The following RASAL2 variants were observed in gnomAD, a reference collection of about 807,000 sequenced individuals.
RASAL2 encodes the protein RAS protein activator like 2, also known as ras GTPase-activating protein nGAP.
Under a neutral mutation model 128.9 loss-of-function variants are expected in RASAL2, and 58 were observed. The observed-to-expected ratio is 0.45, with a 90% CI of 0.36 to 0.56. The LOEUF is 0.56. Ranked by LOEUF, RASAL2 falls within the 20% of genes least tolerant of loss-of-function variation. The pLI is 0.00. For missense variants in RASAL2, 1,360 were observed against 1,601.6 expected, an observed-to-expected ratio of 0.85 and a Z score of 2.57; for synonymous variants, 561 against 580.8, an observed-to-expected ratio of 0.97 and a Z score of 0.49.
chr1:178,436,200 C>A (rs974846758), intron 5 of RASAL2, among the ~76,000 whole-genome samples: 1 of 152,078 alleles, frequency 6.6e-6, no homozygotes, highest in African/African-American at 2.4e-5. Flanking sequence ...CTGGGAATTA[C>A]TTCTGTCTTC....
At chr1:178,210,840 C>T (rs1256725178) in intron 1 of RASAL2, among the ~76,000 whole-genome samples, 2 of 152,122 alleles carry the variant, frequency 1.3e-5, no homozygotes, top group Non-Finnish European at 2.9e-5. Context: ...GTCCAAACAC[C>T]AAGGGCTCTA....
chr1:178,289,822 T>C (rs1667196183), intron 2 of RASAL2, among the ~76,000 whole-genome samples: 1 of 152,234 alleles, frequency 6.6e-6, no homozygotes, highest in African/African-American at 2.4e-5. Flanking sequence ...CCAGACATAC[T>C]GTCTTCATCG....
intron 1 of RASAL2, among the ~76,000 whole-genome samples, chr1:178,220,948 T>C (rs1040827516): frequency 6.6e-6 from 1 of 152,224 alleles, no homozygotes; most frequent in Non-Finnish European, 1.5e-5. Context: ...AAGAGTACGA[T>C]TGCTGAATTG....
intron 3 of RASAL2, among the ~76,000 whole-genome samples, chr1:178,385,814 G>A (rs1455272211): frequency 6.6e-5 from 10 of 152,142 alleles, no homozygotes; most frequent in Admixed American, 6.5e-4. Context: ...GTTTACCTTA[G>A]AAGCTTTGTA....
intron 3 of RASAL2, among the ~76,000 whole-genome samples, chr1:178,346,433 G>T (rs1031484210): frequency 6.6e-6 from 1 of 151,222 alleles, no homozygotes; most frequent in African/African-American, 2.4e-5. Flanking sequence ...AGAAAGAAAA[G>T]AAAAGAAATC....
intron 3 of RASAL2, among the ~76,000 whole-genome samples, chr1:178,343,109 A>T (rs1258202569): frequency 6.6e-6 from 1 of 152,190 alleles, no homozygotes; most frequent in East Asian, 1.9e-4. Context: ...GGAACAAGTT[A>T]GCTTGATTTG....
rs1026137278 is a variant in RASAL2, at chr1:178,473,916, G to C, written c.*677G>C. 6.6e-6 allele frequency: 1 copy of C among 152,418 alleles called. No homozygotes were observed. The highest frequency in any genetic ancestry group is 1.5e-5 in the Non-Finnish European group (1 of 68,066). 9.4% of individuals were successfully genotyped at this position (152,418 alleles called of 1,614,324 possible). A position where few individuals can be genotyped will look rare whatever the true frequency, so the allele number is the denominator to read the frequency against. On this transcript the variant is annotated 3_prime_UTR_variant, in exon 18 of 18. Transcript: ENST00000367649. ...GTTGCATCAAAACTGGACTTTAGGAGTAATTTCTATTGAACTCCTGTCAAT... is the reference window on the plus strand; with the variant it reads ...GTTGCATCAAAACTGGACTTTAGGACTAATTTCTATTGAACTCCTGTCAAT...
chr1:178,423,275 C>T (rs1418983242), intron 5 of RASAL2, among the ~76,000 whole-genome samples: 1 of 151,996 alleles, frequency 6.6e-6, no homozygotes, highest in Non-Finnish European at 1.5e-5. Flanking sequence ...TGAACATGTG[C>T]CTTTTTGTAC....
At chr1:178,133,883 C>T (rs749555927) in intron 1 of RASAL2, among the ~76,000 whole-genome samples, 5 of 152,184 alleles carry the variant, frequency 3.3e-5, no homozygotes, top group South Asian at 2.1e-4. Flanking sequence ...AAGGGTGTGA[C>T]GATCATGTGG....
At chr1:178,112,536 C>T (rs548851451) in intron 1 of RASAL2, among the ~76,000 whole-genome samples, 4 of 151,270 alleles carry the variant, frequency 2.6e-5, no homozygotes, top group Admixed American at 1.3e-4. Context: ...GGTGACAGAG[C>T]GAGACTCCAT....
At chr1:178,225,535 T>C (rs896398176) in intron 1 of RASAL2, among the ~76,000 whole-genome samples, 6 of 152,036 alleles carry the variant, frequency 3.9e-5, no homozygotes, top group African/African-American at 1.4e-4. Context: ...GTCACTGTTA[T>C]GAATGTAGTA....
chr1:178,204,342 A>G (rs997413696), intron 1 of RASAL2, among the ~76,000 whole-genome samples: 1 of 152,258 alleles, frequency 6.6e-6, no homozygotes, highest in Non-Finnish European at 1.5e-5. Flanking sequence ...CAAGGGGTGG[A>G]CTTGTGATAG....
At chr1:178,321,585 C>T (rs1487059795) in intron 3 of RASAL2, among the ~76,000 whole-genome samples, 1 of 151,926 alleles carries the variant, frequency 6.6e-6, no homozygotes, top group African/African-American at 2.4e-5. Flanking sequence ...GATCATAGCT[C>T]ACTGCAGCCT....
chr1:178,397,497 A>C (rs1673312461), intron 4 of RASAL2, among the ~76,000 whole-genome samples: 1 of 152,208 alleles, frequency 6.6e-6, no homozygotes, highest in Admixed American at 6.5e-5. Flanking sequence ...AGTGACTGCT[A>C]ATGGGCATGG....
At chr1:178,216,750 C>T (rs1455343991) in intron 1 of RASAL2, among the ~76,000 whole-genome samples, 1 of 152,108 alleles carries the variant, frequency 6.6e-6, no homozygotes, top group East Asian at 1.9e-4. Flanking sequence ...AGTGATTCTC[C>T]TGCCTCAGCC....
chr1:178,109,081 C>T (rs1000654666), intron 1 of RASAL2, among the ~76,000 whole-genome samples: 2 of 152,106 alleles, frequency 1.3e-5, no homozygotes, highest in Admixed American at 6.5e-5. Context: ...TCTTAAGAAC[C>T]ACAAGTTGTA....
At chr1:178,154,106 G>A (rs570090324) in intron 1 of RASAL2, among the ~76,000 whole-genome samples, 20 of 151,886 alleles carry the variant, frequency 1.3e-4, no homozygotes, top group Admixed American at 1.2e-3. Context: ...AGAGTGCTGG[G>A]ATTACAGGTG....
At chr1:178,136,427 G>A (rs1409262030) in intron 1 of RASAL2, among the ~76,000 whole-genome samples, 1 of 152,054 alleles carries the variant, frequency 6.6e-6, no homozygotes, top group Non-Finnish European at 1.5e-5. Flanking sequence ...TATGTGAAGG[G>A]TTTCCCAGTG....
At chr1:178,213,104 C>T (rs187380474) in intron 1 of RASAL2, among the ~76,000 whole-genome samples, 12 of 151,568 alleles carry the variant, frequency 7.9e-5, no homozygotes, top group African/African-American at 2.9e-4. Flanking sequence ...GGTGTGATCT[C>T]GGCTCACCAC....
Sources: allele counts gnomAD v4.1 joint callset (sites outside exome capture counted in the v4.1 genomes callset), GRCh38; gene constraint gnomAD v4.1.1; transcripts MANE v1.5; gene names NCBI Gene and HGNC (gene_info 2026-07-23, HGNC 2026-07-21).